Variants in COL23A1 observed in about 807,000 individuals in gnomAD.
The protein encoded by COL23A1 is collagen type XXIII alpha 1 chain.
COL23A1 carries 97 observed loss-of-function variants against 99.3 expected under a neutral mutation model. The ratio of observed to expected loss-of-function variants is 0.98; its 90% CI spans 0.83 to 1.16. The LOEUF (loss-of-function observed/expected upper bound fraction) is 1.16, where lower values mean the gene tolerates loss of function less well. Among genes scored for constraint, COL23A1 ranks in the 50% most tolerant of loss-of-function variants. The pLI, the probability that COL23A1 is intolerant of heterozygous loss-of-function variation, is 0.00. For synonymous variants in COL23A1, 320 were observed against 308.2 expected, an observed-to-expected ratio of 1.04 and a Z score of -0.40; for missense variants, 762 against 757.4, an observed-to-expected ratio of 1.01 and a Z score of -0.07.
rs1291979145 is a variant in COL23A1 at position 178,560,852 on chromosome 5, T to C, written c.295-104A>G. ...AGCAAAAACAAATGTATCTAAACCA[T>C]CTACAGTGCTGGGGCTGTCTGTGAG... is the stretch of plus-strand genomic sequence containing the variant. On this transcript the variant is annotated intron_variant, in intron 1 of 28. Coordinates refer to ENST00000390654, the MANE Select transcript of COL23A1 (RefSeq NM_173465.4). 9 of 1,093,660 alleles carry C rather than the reference T, an allele frequency of 8.2e-6. No homozygotes were observed. The African/African-American group carries it at 1.1e-4, about 14-fold the overall frequency. The allele number at this position is 1,093,660 out of a possible 1,614,324, so 67.7% of individuals were successfully genotyped here. A position where few individuals can be genotyped will look rare whatever the true frequency, so the allele number is the denominator to read the frequency against.
chr5:178,577,841 T>C (rs1425049335), intron 1 of COL23A1, among the ~76,000 whole-genome samples: 1 of 152,252 alleles, frequency 6.6e-6, no homozygotes, highest in Non-Finnish European at 1.5e-5. Flanking sequence ...GAGGCAGCTC[T>C]GGACTCAGAC....
At position 178,434,709 on chromosome 5, in the gene COL23A1, C is replaced by T. The variant is rs1278512220; in HGVS notation, c.361+125973G>A. ...ACCCTACCTGTGCCCCTCTAGAGGC[C>T]GGTGCCTCCCCAACATCTCCACTTC... On this transcript the variant is annotated intron_variant, in intron 2 of 28. Coordinates refer to ENST00000390654, the MANE Select transcript of COL23A1 (RefSeq NM_173465.4). The surrounding 1 kb of genome is among the most constrained non-coding windows in gnomAD (Gnocchi z 4.3). Among the ~76,000 whole-genome samples the T allele has an allele frequency of 3.9e-5, 6 of 152,178 alleles. No homozygotes were observed. Among genetic ancestry groups the T allele is most frequent in the Non-Finnish European group, 1.5e-5 (1 of 68,034 alleles).
intron 1 of COL23A1, among the ~76,000 whole-genome samples, chr5:178,576,033 C>T (rs1322244361): frequency 1.3e-5 from 2 of 152,320 alleles, no homozygotes; most frequent in Non-Finnish European, 1.5e-5. Flanking sequence ...GGCTCGGTCA[C>T]GAAGCCGCAG....
chr5:178,333,563 C>T (rs1281765408), intron 2 of COL23A1, among the ~76,000 whole-genome samples: 1 of 152,200 alleles, frequency 6.6e-6, no homozygotes, highest in Admixed American at 6.5e-5. Flanking sequence ...AGTGATCAAG[C>T]CCTTTGTGAA....
At chr5:178,578,104 C>T (rs1763479717) in intron 1 of COL23A1, among the ~76,000 whole-genome samples, 2 of 149,242 alleles carry the variant, frequency 1.3e-5, no homozygotes, top group African/African-American at 5.1e-5. Flanking sequence ...TGCACACGCC[C>T]ACATGCACAC....
At chr5:178,305,642 G>A (rs1581120184) in intron 3 of COL23A1, among the ~76,000 whole-genome samples, 1 of 152,308 alleles carries the variant, frequency 6.6e-6, no homozygotes, top group South Asian at 2.1e-4. Flanking sequence ...ATCTTGGGGT[G>A]GGAGTCCAGG....
chr5:178,529,862 G>A (rs566268904), intron 2 of COL23A1, among the ~76,000 whole-genome samples: 1 of 152,324 alleles, frequency 6.6e-6, no homozygotes, highest in South Asian at 2.1e-4. Flanking sequence ...TGATCATAGT[G>A]TACCTTTCAA....
At chr5:178,437,714 C>T (rs1257859520) in intron 2 of COL23A1, among the ~76,000 whole-genome samples, 1 of 152,232 alleles carries the variant, frequency 6.6e-6, no homozygotes, top group Non-Finnish European at 1.5e-5. Flanking sequence ...TTCCCTGCTG[C>T]TCACCTGGCC....
chr5:178,268,345 G>A (rs1035507386), intron 7 of COL23A1, among the ~76,000 whole-genome samples: 3 of 152,130 alleles, frequency 2.0e-5, no homozygotes, highest in Non-Finnish European at 4.4e-5. Context: ...ATAGCTGTCC[G>A]CCTTGTCTTC....
intron 3 of COL23A1, among the ~76,000 whole-genome samples, chr5:178,294,286 GAGCTCCCTCCCAAATCACTACCC>G (rs1757618065): frequency 8.5e-5 from 9 of 106,204 alleles, no homozygotes; most frequent in South Asian, 3.5e-4. Flanking sequence ...AATCACTACC[GAGCTCCCTCCCAAATCACTACCC>G]AGCTCCCTCC....
In COL23A1 at chr5:178,369,254, G is replaced by A. The variant is rs149651328; in HGVS notation, c.362-62335C>T. On this transcript the variant is annotated intron_variant, in intron 2 of 28. Coordinates refer to ENST00000390654, the MANE Select transcript of COL23A1 (RefSeq NM_173465.4). Reference sequence around the variant, plus strand: ...TGGGGCCCTAAACACCTTGACCCCTGGAGAGATGAAGTGTTCCCCCCCACA... The same window carrying A: ...TGGGGCCCTAAACACCTTGACCCCTAGAGAGATGAAGTGTTCCCCCCCACA... Among the ~76,000 whole-genome samples, 427 of 152,166 alleles carry A rather than the reference G, an allele frequency of 2.8e-3. 2 individuals carry two copies. The highest frequency in any genetic ancestry group is 9.5e-3 in the African/African-American group (396 of 41,508).
chr5:178,417,721 C>T lies in COL23A1; in HGVS notation c.362-110802G>A, dbSNP rs560825777. ...AGTTATGCCTCCCTCACCTTGCTGCCCGCTTCATCCAGGCCAAGGAGACGG... is the reference window on the plus strand; with the variant it reads ...AGTTATGCCTCCCTCACCTTGCTGCTCGCTTCATCCAGGCCAAGGAGACGG... On this transcript the variant is annotated intron_variant, in intron 2 of 28. Transcript: ENST00000390654. Among the ~76,000 whole-genome samples the T allele has an allele frequency of 9.4e-4, 143 of 152,314 alleles. 1 individual carries two copies. Among genetic ancestry groups the T allele is most frequent in the African/African-American group, 3.3e-3 (136 of 41,568 alleles).
At chr5:178,486,643 T>C (rs778047831) in intron 2 of COL23A1, among the ~76,000 whole-genome samples, 1 of 151,926 alleles carries the variant, frequency 6.6e-6, no homozygotes, top group Non-Finnish European at 1.5e-5. Flanking sequence ...ACCACAAACA[T>C]GAAGCCCACA....
At position 178,571,002 on chromosome 5, in the gene COL23A1, C is replaced by A. The variant is rs976818628; in HGVS notation, c.295-10254G>T. ...TAGGGCACCGCAGACAGCATTCACA[C>A]TGGGGCCGGGAGAATGCCCGATCCC... On this transcript the variant is annotated intron_variant, in intron 1 of 28. Transcript: ENST00000390654. Among the ~76,000 whole-genome samples, 6 of 152,248 alleles carry A rather than the reference C, an allele frequency of 3.9e-5. No individual in the cohort carries two copies. The East Asian group carries it at 1.2e-3, about 29-fold the overall frequency.
At chr5:178,440,126 C>T (rs1484460230) in intron 2 of COL23A1, among the ~76,000 whole-genome samples, 15 of 152,146 alleles carry the variant, frequency 9.9e-5, no homozygotes. Flanking sequence ...AATCATGGCC[C>T]TGTCCACTTA....
intron 2 of COL23A1, among the ~76,000 whole-genome samples, chr5:178,411,920 T>G (rs1373107467): frequency 6.6e-6 from 1 of 152,214 alleles, no homozygotes; most frequent in African/African-American, 2.4e-5. Context: ...AATAGAAACT[T>G]GTGTGTAATG....
At chr5:178,409,207 C>T (rs190828819) in intron 2 of COL23A1, among the ~76,000 whole-genome samples, 132 of 152,150 alleles carry the variant, frequency 8.7e-4, no homozygotes, top group South Asian at 2.1e-3. Context: ...GTGGTATAAC[C>T]GCACCATAAA....
chr5:178,364,232 G>T (rs1762331969), intron 2 of COL23A1, among the ~76,000 whole-genome samples: 1 of 152,164 alleles, frequency 6.6e-6, no homozygotes, highest in Non-Finnish European at 1.5e-5. Flanking sequence ...CACGTCCCTT[G>T]TAAGTCTGAG....
intron 2 of COL23A1, among the ~76,000 whole-genome samples, chr5:178,455,324 T>C (rs1460613926): frequency 6.6e-6 from 1 of 151,652 alleles, no homozygotes; most frequent in Non-Finnish European, 1.5e-5. Flanking sequence ...TGGTGCAGAG[T>C]GACAGCTGGG....
Sources: allele counts gnomAD v4.1 joint callset (sites outside exome capture counted in the v4.1 genomes callset), GRCh38; gene constraint gnomAD v4.1.1; non-coding constraint Gnocchi (gnomAD v3.1); transcripts MANE v1.5; gene names NCBI Gene and HGNC (gene_info 2026-07-23, HGNC 2026-07-21).